The following RIN2 variants were observed in gnomAD, a reference collection of about 807,000 sequenced individuals.
The protein encoded by RIN2 is Ras and Rab interactor 2.
Under a neutral mutation model 78.0 loss-of-function variants are expected in RIN2, and 36 were observed. That is an observed-to-expected ratio of 0.46 (90% CI 0.35 to 0.61). RIN2 has a LOEUF of 0.61. Ranked by LOEUF, RIN2 falls within the 20% of genes least tolerant of loss-of-function variation. The probability of loss-of-function intolerance (pLI) is 0.00; values close to 1 mark genes in which losing one functional copy is unlikely to be tolerated. For synonymous variants in RIN2, 466 were observed against 466.8 expected (o/e 1.00, Z 0.02); for missense variants, 1,087 against 1,159.7 (o/e 0.94, Z 0.91).
intron 4 of RIN2, among the ~76,000 whole-genome samples, chr20:19,948,657 G>A (rs1183499364): frequency 6.6e-6 from 1 of 151,794 alleles, no homozygotes; most frequent in African/African-American, 2.4e-5. Flanking sequence ...AATCACTTTT[G>A]TTCTTAAAAA....
At chr20:19,963,683 A>G (rs2146271028) in intron 6 of RIN2, among the ~76,000 whole-genome samples, 1 of 151,954 alleles carries the variant, frequency 6.6e-6, no homozygotes, top group Non-Finnish European at 1.5e-5. Flanking sequence ...GGATTGAGGA[A>G]ATCTTCATAA....
chr20:19,934,730 G>A (rs912651558), intron 3 of RIN2: 1 of 433,798 alleles, frequency 2.3e-6, no homozygotes, highest in South Asian at 1.0e-4. Context: ...CTTGCCAAAT[G>A]AATATTGAGG....
At chr20:19,776,233 A>G (rs1394725096) in intron 1 of RIN2, among the ~76,000 whole-genome samples, 1 of 152,238 alleles carries the variant, frequency 6.6e-6, no homozygotes, top group Non-Finnish European at 1.5e-5. Flanking sequence ...ATTCAGGCAC[A>G]GCTGACCAAC....
At chr20:19,952,733 C>T (rs1375099253) in intron 4 of RIN2, among the ~76,000 whole-genome samples, 2 of 152,188 alleles carry the variant, frequency 1.3e-5, no homozygotes, top group African/African-American at 2.4e-5. Context: ...TCATGTTAGA[C>T]ACTGTCCAAT....
chr20:19,963,656 G>A (rs1286141680), intron 6 of RIN2, among the ~76,000 whole-genome samples: 1 of 151,040 alleles, frequency 6.6e-6, no homozygotes, highest in African/African-American at 2.4e-5. Flanking sequence ...GAGGGTATGA[G>A]TGAGAAGAAA....
At chr20:19,816,415 T>TTA (rs75804092) in intron 2 of RIN2, among the ~76,000 whole-genome samples, 45,944 of 151,854 alleles carry the variant, frequency 0.3, 7,258 homozygotes, top group African/African-American at 0.4. Context: ...ATTTTCCTGT[T>TTA]CAGAGTAAAG....
chr20:20,000,800 C>A lies in RIN2; in HGVS notation c.2552C>A (p.Thr851Asn). The A allele has an allele frequency of 6.2e-7, 1 of 1,613,970 alleles. No individual in the cohort carries two copies. The highest frequency in any genetic ancestry group is 1.1e-5 in the South Asian group (1 of 91,084). The change falls in exon 13 of 13, where the codon ACT (threonine) becomes AAT (asparagine). Residue 851 changes from threonine (T) to asparagine (N), a missense_variant. By Grantham distance (65) the Thr-to-Asn change is moderately conservative. This residue lies in a region of RIN2 where 160 missense variants were observed against 179.4 expected (regional missense o/e 0.89). Coordinates refer to ENST00000255006, the MANE Select transcript of RIN2 (RefSeq NM_018993.4). ...ACATGGCAGCAGCTGGCAGAGGACA[C>A]TTACCCTCAAAAAATCAAGGCGGAG... ...DETWQQLAED[T>N]YPQKIKAELH...
intron 3 of RIN2, among the ~76,000 whole-genome samples, chr20:19,894,749 A>G (rs1416085560): frequency 2.6e-5 from 4 of 152,052 alleles, no homozygotes; most frequent in African/African-American, 9.7e-5. Flanking sequence ...CTCCCCATCC[A>G]GTTTAGGTTC....
rs372990409 is a variant in RIN2 at position 19,828,143 on chromosome 20, G to A, written c.-37+28396G>A. Among the ~76,000 whole-genome samples the A allele has an allele frequency of 6.0e-4, 91 of 152,326 alleles. 2 individuals are homozygous for A. The highest frequency in any genetic ancestry group is 1.9e-3 in the African/African-American group (77 of 41,574). On this transcript the variant is annotated intron_variant, in intron 2 of 12. Transcript: ENST00000255006. Reference sequence around the variant, plus strand: ...ACTTCCCATTCTGTTTGATGGGAACGAGGGCACTTTTTATAGACTCCAACT... The same window carrying A: ...ACTTCCCATTCTGTTTGATGGGAACAAGGGCACTTTTTATAGACTCCAACT...
intron 2 of RIN2, among the ~76,000 whole-genome samples, chr20:19,874,612 C>T (rs2037798276): frequency 6.6e-6 from 1 of 152,172 alleles, no homozygotes; most frequent in South Asian, 2.1e-4. Flanking sequence ...TGTCTCCTTC[C>T]CTACAGTGTT....
At chr20:19,987,646 A>G (rs1043092743) in intron 9 of RIN2, among the ~76,000 whole-genome samples, 5 of 152,198 alleles carry the variant, frequency 3.3e-5, no homozygotes, top group Admixed American at 6.5e-5. Flanking sequence ...CTGAGCACTC[A>G]ATATTAATTT....
At chr20:19,888,788 G>A (rs2038312712) in intron 2 of RIN2, among the ~76,000 whole-genome samples, 2 of 152,274 alleles carry the variant, frequency 1.3e-5, no homozygotes, top group African/African-American at 4.8e-5. Context: ...TGGCAGAGGT[G>A]TGTGTATGTT....
chr20:19,851,318 A>C (rs2036974445), intron 2 of RIN2, among the ~76,000 whole-genome samples: 2 of 152,106 alleles, frequency 1.3e-5, no homozygotes, highest in South Asian at 4.2e-4. Context: ...AAGGATTTGC[A>C]GTGTCAGGGG....
At chr20:19,901,291 T>A (rs2038970440) in intron 3 of RIN2, among the ~76,000 whole-genome samples, 1 of 152,126 alleles carries the variant, frequency 6.6e-6, no homozygotes, top group African/African-American at 2.4e-5. Context: ...GGTGTCTTTT[T>A]CTGTCTGCTT....
At chr20:19,773,789 G>A (rs150219454) in intron 1 of RIN2, among the ~76,000 whole-genome samples, 33 of 151,648 alleles carry the variant, frequency 2.2e-4, no homozygotes, top group African/African-American at 5.8e-4. Flanking sequence ...GGAGATGTGC[G>A]GTACAATTTC....
chr20:19,930,343 T>C (rs2040393434), intron 3 of RIN2, among the ~76,000 whole-genome samples: 1 of 152,154 alleles, frequency 6.6e-6, no homozygotes, highest in African/African-American at 2.4e-5. Flanking sequence ...CACCGTCAGC[T>C]TCTTGTGTGT....
chr20:19,952,848 C>T (rs2041376288), intron 4 of RIN2, among the ~76,000 whole-genome samples: 1 of 152,138 alleles, frequency 6.6e-6, no homozygotes, highest in African/African-American at 2.4e-5. Context: ...CGCCCGCAGC[C>T]CCTAGCAAAA....
At position 19,817,896 on chromosome 20, in the gene RIN2, A is replaced by G. The variant is rs757324505; in HGVS notation, c.-37+18149A>G. On this transcript the variant is annotated intron_variant, in intron 2 of 12. Coordinates refer to ENST00000255006, the MANE Select transcript of RIN2 (RefSeq NM_018993.4). The stretch of plus-strand genomic sequence containing the variant: ...TATACTCATCATCATTCATCATTCA[A>G]TATCAAAAAATGTGAATTAAAATAA... Among the ~76,000 whole-genome samples the G allele has an allele frequency of 7.2e-5, 11 of 152,344 alleles. No homozygotes were observed. In the South Asian group the frequency reaches 2.1e-3, roughly 29 times the overall value.
Position 19,974,932 on chromosome 20 carries a change from C to A in RIN2, c.907C>A (p.Arg303=), listed in dbSNP as rs1252158717. 2 of 1,613,586 alleles carry A rather than the reference C, an allele frequency of 1.2e-6. No homozygotes were observed. The highest frequency in any genetic ancestry group is 1.1e-5 in the South Asian group (1 of 91,068). ...GACTCCCAACGCGAATGGCACGGAG[C>A]GGACTCGGTCCCCCCCACCCAGGCC... is the stretch of plus-strand genomic sequence containing the variant. ...TRTPNANGTE[R]TRSPPPRPPP... is the part of the protein sequence containing the mutation. Residue 303 remains arginine, a synonymous_variant, in exon 9 of 13, where the codon CGG becomes AGG. Coordinates refer to ENST00000255006, the MANE Select transcript of RIN2 (RefSeq NM_018993.4).
Sources: gnomAD v4.1 joint callset for allele counts (sites outside exome capture counted in the v4.1 genomes callset) on GRCh38, gnomAD v4.1.1 for gene constraint, gnomAD v4.1.1 regional missense constraint, MANE v1.5 for transcripts, NCBI Gene and HGNC (gene_info 2026-07-23, HGNC 2026-07-21) for gene names.